PIK3CB: variants seen among roughly 807,000 people sequenced by gnomAD.
The protein encoded by PIK3CB is phosphatidylinositol-4,5-bisphosphate 3-kinase catalytic subunit beta, also known as phosphatidylinositol 4,5-bisphosphate 3-kinase catalytic subunit beta isoform.
PIK3CB carries 39 observed loss-of-function variants against 136.8 expected under a neutral mutation model. That is an observed-to-expected ratio of 0.29 (90% CI 0.22 to 0.37). The LOEUF (loss-of-function observed/expected upper bound fraction) is 0.37. Among genes scored for constraint, PIK3CB ranks in the 10% least tolerant of loss-of-function variants. The pLI is 1.00. For synonymous variants in PIK3CB, 428 were observed against 436.6 expected (o/e 0.98, Z 0.25); for missense variants, 868 against 1,275.4 (o/e 0.68, Z 4.87).
intron 2 of PIK3CB, among the ~76,000 whole-genome samples, chr3:138,777,029 G>A (rs1401986656): frequency 6.6e-6 from 1 of 152,048 alleles, no homozygotes; most frequent in Non-Finnish European, 1.5e-5. Flanking sequence ...CACAACCTGG[G>A]ATGATTTTAA....
At chr3:138,743,011 A>G (rs1205410557) in intron 4 of PIK3CB, among the ~76,000 whole-genome samples, 3 of 152,204 alleles carry the variant, frequency 2.0e-5, no homozygotes, top group Non-Finnish European at 2.9e-5. Flanking sequence ...TAAAAAATAC[A>G]ACTCAAAACC....
intron 5 of PIK3CB, among the ~76,000 whole-genome samples, chr3:138,738,302 G>C (rs989228830): frequency 1.3e-5 from 2 of 152,070 alleles, no homozygotes; most frequent in Admixed American, 6.6e-5. Flanking sequence ...CTCCTGAGGA[G>C]CTAGGATTAC....
intron 4 of PIK3CB, among the ~76,000 whole-genome samples, chr3:138,752,666 G>A (rs918029086): frequency 2.6e-5 from 4 of 151,136 alleles, no homozygotes; most frequent in East Asian, 3.9e-4. Flanking sequence ...CCAAAAAGGC[G>A]CCACTATGCT....
At position 138,734,796 on chromosome 3, in the gene PIK3CB, C is replaced by A. The variant is rs2108645571; in HGVS notation, c.810G>T (p.Arg270=). ...GCAGGGCTCTGTTCATCACACAGTT[C>A]CGGATATACTATAGGGGCAAGAAAG... is the stretch of plus-strand genomic sequence containing the variant. ...DHPLIQFQYI[R]NCVMNRALPH... Residue 270 remains arginine, a synonymous_variant, in exon 7 of 24, where the codon CGG becomes CGT. Transcript: ENST00000674063. The A allele has an allele frequency of 6.2e-7, 1 of 1,606,100 alleles. No homozygotes were observed. The highest frequency in any genetic ancestry group is 8.5e-7 in the Non-Finnish European group (1 of 1,175,990).
chr3:138,694,413 T>C (rs2044091909), intron 14 of PIK3CB, among the ~76,000 whole-genome samples: 1 of 152,170 alleles, frequency 6.6e-6, no homozygotes, highest in African/African-American at 2.4e-5. Flanking sequence ...AAAAGAACTC[T>C]TACAAGCTTA....
intron 8 of PIK3CB, among the ~76,000 whole-genome samples, chr3:138,728,439 C>T (rs567758944): frequency 4.6e-5 from 7 of 152,102 alleles, no homozygotes; most frequent in African/African-American, 1.7e-4. Context: ...ACATCTTGAC[C>T]GAGTGAACAT....
intron 21 of PIK3CB, among the ~76,000 whole-genome samples, chr3:138,661,304 G>A (rs938645003): frequency 1.3e-5 from 2 of 152,164 alleles, no homozygotes; most frequent in Non-Finnish European, 2.9e-5. Context: ...TTCTGTTTCA[G>A]CCTCTTTCTG....
chr3:138,761,493 C>T (rs991310013), intron 2 of PIK3CB, among the ~76,000 whole-genome samples: 9 of 152,198 alleles, frequency 5.9e-5, no homozygotes, highest in African/African-American at 1.9e-4. Flanking sequence ...CTATCTTAGC[C>T]AGGCACTGTG....
At chr3:138,765,064 C>T (rs1223291558) in intron 2 of PIK3CB, among the ~76,000 whole-genome samples, 5 of 152,106 alleles carry the variant, frequency 3.3e-5, no homozygotes, top group South Asian at 4.1e-4. Context: ...CAGTGGCTCC[C>T]GCCTATAATC....
intron 8 of PIK3CB, among the ~76,000 whole-genome samples, chr3:138,723,762 GTTCT>G (rs2044781701): frequency 6.6e-6 from 1 of 152,118 alleles, no homozygotes; most frequent in Admixed American, 6.6e-5. Flanking sequence ...AATTAAAAAT[GTTCT>G]GTGTTGAATA....
intron 2 of PIK3CB, among the ~76,000 whole-genome samples, chr3:138,780,729 C>A (rs995008690): frequency 6.6e-6 from 1 of 152,110 alleles, no homozygotes; most frequent in South Asian, 2.1e-4. Flanking sequence ...AATACAGTGG[C>A]GCCATCTTAG....
At chr3:138,796,384 C>CAAAA (rs71626081) in intron 2 of PIK3CB, 79 bp downstream of exon 2, 9 of 66,688 alleles carry the variant, frequency 1.3e-4, no homozygotes, top group Admixed American at 2.1e-4. Flanking sequence ...GACTCCACCT[C>CAAAA]AAAAAAAAAA....
At chr3:138,728,442 G>A (rs1369485056) in intron 8 of PIK3CB, among the ~76,000 whole-genome samples, 2 of 152,126 alleles carry the variant, frequency 1.3e-5, no homozygotes, top group African/African-American at 4.8e-5. Context: ...TCTTGACCGA[G>A]TGAACATTAT....
At chr3:138,771,319 A>T (rs11717457) in intron 2 of PIK3CB, among the ~76,000 whole-genome samples, 87,285 of 149,616 alleles carry the variant, frequency 0.58, 26,066 homozygotes, top group East Asian at 0.98. Flanking sequence ...GCCTCCCGGG[A>T]TCATGCCATT....
At chr3:138,776,058 C>T (rs927238175) in intron 2 of PIK3CB, among the ~76,000 whole-genome samples, 12 of 151,952 alleles carry the variant, frequency 7.9e-5, no homozygotes, top group Non-Finnish European at 1.6e-4. Context: ...ATTAGCCGGG[C>T]GTGGTGGCGT....
chr3:138,772,633 A>ATT (rs142422129), intron 2 of PIK3CB, among the ~76,000 whole-genome samples: 13 of 123,208 alleles, frequency 1.1e-4, no homozygotes, highest in East Asian at 4.7e-4. Flanking sequence ...CATTCTTTTG[A>ATT]TTTTTTTTTT....
intron 8 of PIK3CB, among the ~76,000 whole-genome samples, 175 bp from the exon 9 acceptor site, chr3:138,714,894 C>T (rs1201936942): frequency 6.6e-6 from 1 of 152,152 alleles, no homozygotes; most frequent in African/African-American, 2.4e-5. Flanking sequence ...GTCTGCAGAA[C>T]CACTAGAGTG....
chr3:138,773,333 G>A (rs1294290859), intron 2 of PIK3CB, among the ~76,000 whole-genome samples: 1 of 152,052 alleles, frequency 6.6e-6, no homozygotes, highest in Non-Finnish European at 1.5e-5. Flanking sequence ...AGAGGTTGCA[G>A]TGAGTTGAGA....
chr3:138,691,269 T>C, intron 14 of PIK3CB, 126 bp from the exon 15 acceptor site: 1 of 810,864 alleles, frequency 1.2e-6, no homozygotes. Context: ...GCTTGTTACA[T>C]GCTTTCCTTC....
Sources: allele counts gnomAD v4.1 joint callset (sites outside exome capture counted in the v4.1 genomes callset), GRCh38; gene constraint gnomAD v4.1.1; transcripts MANE v1.5; gene names NCBI Gene and HGNC (gene_info 2026-07-23, HGNC 2026-07-21).